The following MATCAP2 variants were observed in gnomAD, a reference collection of about 807,000 sequenced individuals.
MATCAP2 encodes putative tyrosine carboxypeptidase MATCAP2.
At chr7:36,377,327 T>G in the MATCAP2 span, among the ~76,000 whole-genome samples, 1 of 152,168 alleles carries the variant, frequency 6.6e-6, no homozygotes, top group Non-Finnish European at 1.5e-5. Flanking sequence ...ATTTGTTTGT[T>G]TATAAAGGAT....
At chr7:36,369,664 A>G in the MATCAP2 span, among the ~76,000 whole-genome samples, 2 of 152,236 alleles carry the variant, frequency 1.3e-5, no homozygotes, top group African/African-American at 4.8e-5. Context: ...TTATTTATAT[A>G]GAAGACACTG....
chr7:36,383,655 G>T, the MATCAP2 span, among the ~76,000 whole-genome samples: 1 of 152,146 alleles, frequency 6.6e-6, no homozygotes, highest in African/African-American at 2.4e-5. Context: ...ACACACCAGG[G>T]TCTGTAGGGG....
At chr7:36,388,175 T>G in the MATCAP2 span, among the ~76,000 whole-genome samples, 2 of 152,192 alleles carry the variant, frequency 1.3e-5, no homozygotes, top group East Asian at 3.8e-4. Flanking sequence ...TCAGAAGTTC[T>G]TGTCCTGGTG....
chr7:36,367,384 GC>G, the MATCAP2 span: 4 of 977,926 alleles, frequency 4.1e-6, no homozygotes, highest in South Asian at 1.4e-4. Context: ...TGCCTCCGGG[GC>G]TTGTGGCTGT....
chr7:36,357,297 C>T, the MATCAP2 span: 1 of 1,614,086 alleles, frequency 6.2e-7, no homozygotes, highest in Non-Finnish European at 8.5e-7. Context: ...CTGCTTGTCA[C>T]AGGCACCAGG....
At chr7:36,357,603 A>G in the MATCAP2 span, 1 of 1,569,650 alleles carries the variant, frequency 6.4e-7, no homozygotes, top group Non-Finnish European at 8.7e-7. Context: ...GTGTTAATAA[A>G]CAAAATCAAA....
At chr7:36,330,375 G>A in the MATCAP2 span, among the ~76,000 whole-genome samples, 3 of 151,974 alleles carry the variant, frequency 2.0e-5, no homozygotes, top group East Asian at 1.9e-4. Context: ...TTGGGTTTGC[G>A]GGCGTGAGCC....
the MATCAP2 span, among the ~76,000 whole-genome samples, chr7:36,336,483 C>T: frequency 6.6e-6 from 1 of 152,140 alleles, no homozygotes; most frequent in Non-Finnish European, 1.5e-5. Context: ...TGTACAAATG[C>T]CTGTACACTT....
chr7:36,375,801 C>G, the MATCAP2 span, among the ~76,000 whole-genome samples: 1 of 152,138 alleles, frequency 6.6e-6, no homozygotes, highest in African/African-American at 2.4e-5. Context: ...TCAACTTCTT[C>G]CTGGTTTAGT....
the MATCAP2 span, chr7:36,389,990 AC>A: frequency 1.9e-6 from 3 of 1,614,026 alleles, no homozygotes; most frequent in South Asian, 3.3e-5. Context: ...AATTTGAACC[AC>A]CGTTTCCATC....
the MATCAP2 span, among the ~76,000 whole-genome samples, chr7:36,336,663 G>A: frequency 2.6e-5 from 4 of 151,742 alleles, no homozygotes; most frequent in Admixed American, 6.6e-5. Context: ...CAGAGTGGAA[G>A]GTATGTCTCC....
At chr7:36,383,027 T>C in the MATCAP2 span, among the ~76,000 whole-genome samples, 5 of 152,192 alleles carry the variant, frequency 3.3e-5, no homozygotes, top group Non-Finnish European at 5.9e-5. Flanking sequence ...GTAGTTGCAC[T>C]GGTTTTTGGA....
chr7:36,356,992 A>G, the MATCAP2 span: 4 of 1,614,182 alleles, frequency 2.5e-6, no homozygotes, highest in Admixed American at 3.3e-5. Context: ...GATTGTAGGT[A>G]TAGTCAGATT....
At chr7:36,353,643 G>A in the MATCAP2 span, among the ~76,000 whole-genome samples, 2 of 151,932 alleles carry the variant, frequency 1.3e-5, no homozygotes, top group African/African-American at 4.8e-5. Context: ...ACCACGCCCA[G>A]CTAATTTTTG....
chr7:36,353,868 T>C, the MATCAP2 span, among the ~76,000 whole-genome samples: 3 of 152,312 alleles, frequency 2.0e-5, no homozygotes, highest in African/African-American at 7.2e-5. Flanking sequence ...ATATGAAGTA[T>C]GATGCAAAAC....
the MATCAP2 span, among the ~76,000 whole-genome samples, chr7:36,386,157 G>GAA: frequency 6.3e-5 from 9 of 142,876 alleles, no homozygotes; most frequent in Admixed American, 2.8e-4. Context: ...CCTGTCTCGG[G>GAA]AAAAAAAAAA....
the MATCAP2 span, among the ~76,000 whole-genome samples, chr7:36,338,937 G>A: frequency 6.6e-6 from 1 of 152,128 alleles, no homozygotes; most frequent in Non-Finnish European, 1.5e-5. Context: ...TATCCTGTAA[G>A]CCCCCTCTTT....
the MATCAP2 span, among the ~76,000 whole-genome samples, chr7:36,372,069 T>C: frequency 2.9e-5 from 4 of 135,994 alleles, 1 homozygote; most frequent in East Asian, 8.9e-4. Context: ...CATATCATGC[T>C]TGCAACTGAA....
chr7:36,375,973 C>T, the MATCAP2 span, among the ~76,000 whole-genome samples: 19 of 151,802 alleles, frequency 1.3e-4, no homozygotes, highest in African/African-American at 4.4e-4. Flanking sequence ...TTTGATTATT[C>T]TCTCTTTTCT....
Sources: allele counts gnomAD v4.1 joint callset (sites outside exome capture counted in the v4.1 genomes callset), GRCh38; gene constraint gnomAD v4.1.1; transcripts MANE v1.5; gene names NCBI Gene and HGNC (gene_info 2026-07-23, HGNC 2026-07-21).